ARHGEF10L: variants seen among roughly 807,000 people sequenced by gnomAD.
ARHGEF10L encodes Rho guanine nucleotide exchange factor 10 like, also known as rho guanine nucleotide exchange factor 10-like protein.
Under a neutral mutation model 141.2 loss-of-function variants are expected in ARHGEF10L, and 69 were observed. The ratio of observed to expected loss-of-function variants is 0.49; its 90% CI spans 0.40 to 0.60. ARHGEF10L has a LOEUF of 0.60. Ranked by LOEUF, ARHGEF10L falls within the 20% of genes least tolerant of loss-of-function variation. The pLI is 0.00. For synonymous variants in ARHGEF10L, 711 were observed against 718.5 expected (o/e 0.99, Z 0.17); for missense variants, 1,482 against 1,734.3 (o/e 0.85, Z 2.58).
chr1:17,624,322 T>C, intron 12 of ARHGEF10L, 65 bp from the exon 13 acceptor site: 1 of 1,347,578 alleles, frequency 7.4e-7, no homozygotes, highest in Non-Finnish European at 1.1e-6. Flanking sequence ...GGCCCACACC[T>C]GCCTCGTTTC....
intron 22 of ARHGEF10L, among the ~76,000 whole-genome samples, chr1:17,651,021 G>A (rs569822579): frequency 1.4e-4 from 22 of 152,316 alleles, no homozygotes; most frequent in Admixed American, 2.6e-4. Context: ...TTAGGGTGAG[G>A]CAAGTGAGCC....
Position 17,618,564 on chromosome 1 carries a change from G to A in ARHGEF10L, c.836-775G>A. On this transcript the variant is annotated intron_variant, in intron 9 of 28. Transcript: ENST00000361221. ...GTGTCTCTACCCCCTCCCACCCTTG[G>A]GGTTGCTGCCGCTTCTTCTTTCCTC... The A allele has an allele frequency of 3.8e-6, 5 of 1,321,868 alleles. 1 individual carries two copies. The highest frequency in any genetic ancestry group is 3.7e-5 in the South Asian group (2 of 54,488). 81.9% of individuals were successfully genotyped at this position (1,321,868 alleles called of 1,614,324 possible).
In ARHGEF10L at chr1:17,607,566, G is replaced by A. The variant is rs1570856326; in HGVS notation, c.434-236G>A. Among the ~76,000 whole-genome samples, 2 of 152,208 alleles carry A rather than the reference G, an allele frequency of 1.3e-5. No homozygotes were observed. The highest frequency in any genetic ancestry group is 2.4e-5 in the African/African-American group (1 of 41,446). On this transcript the variant is annotated intron_variant, in intron 6 of 28. Coordinates refer to ENST00000361221, the MANE Select transcript of ARHGEF10L (RefSeq NM_018125.4). This position sits in a 1 kb window ranked among gnomAD's most constrained non-coding sequence, Gnocchi z 4.5. Reference sequence around the variant, plus strand: ...AAAGGAAGTGAGCGGGCTTGTGCACGTCTGACCCATTTCTTGGGTTTTCCC... The same window carrying A: ...AAAGGAAGTGAGCGGGCTTGTGCACATCTGACCCATTTCTTGGGTTTTCCC...
At chr1:17,610,776 G>C (rs1469104509) in intron 7 of ARHGEF10L, among the ~76,000 whole-genome samples, 1 of 152,208 alleles carries the variant, frequency 6.6e-6, no homozygotes, top group Non-Finnish European at 1.5e-5. Context: ...CCAGCTGCAA[G>C]AGAACTAATG....
At chr1:17,552,297 T>C (rs1015253085) in intron 1 of ARHGEF10L, among the ~76,000 whole-genome samples, 1 of 152,180 alleles carries the variant, frequency 6.6e-6, no homozygotes, top group Non-Finnish European at 1.5e-5. Context: ...TTCCCTCGCC[T>C]GTAGAGATAA....
chr1:17,664,968 T>C (rs1456006873), intron 26 of ARHGEF10L, among the ~76,000 whole-genome samples: 3 of 152,174 alleles, frequency 2.0e-5, no homozygotes, highest in Admixed American at 1.3e-4. Context: ...AGCCATCCGC[T>C]GGGCTCTTCA....
intron 9 of ARHGEF10L, chr1:17,618,575 G>T: frequency 7.9e-7 from 1 of 1,267,452 alleles, no homozygotes; most frequent in Non-Finnish European, 1.0e-6. Flanking sequence ...GGTTGCTGCC[G>T]CTTCTTCTTT....
At chr1:17,632,092 G>A (rs573160926) in intron 15 of ARHGEF10L, among the ~76,000 whole-genome samples, 2 of 152,300 alleles carry the variant, frequency 1.3e-5, no homozygotes, top group East Asian at 3.9e-4. Flanking sequence ...ACGGGTGCTG[G>A]TGAATGCTCA....
intron 27 of ARHGEF10L, chr1:17,694,644 C>G (rs1244858801): frequency 9.2e-6 from 3 of 325,168 alleles, no homozygotes; most frequent in Admixed American, 4.5e-5. Flanking sequence ...AAGAAGCACC[C>G]ACACGGGCAG....
At chr1:17,629,944 G>A (rs945405955) in intron 15 of ARHGEF10L, among the ~76,000 whole-genome samples, 4 of 152,230 alleles carry the variant, frequency 2.6e-5, no homozygotes, top group Non-Finnish European at 4.4e-5. Flanking sequence ...GAGCCGTTCT[G>A]CCCTCTCCTG....
intron 22 of ARHGEF10L, among the ~76,000 whole-genome samples, chr1:17,652,153 C>G (rs1257916051): frequency 1.3e-5 from 2 of 152,180 alleles, no homozygotes; most frequent in African/African-American, 4.8e-5. Flanking sequence ...GAGGGAGTTG[C>G]TGGCCACAGT....
At chr1:17,684,973 A>C (rs1417281842) in intron 26 of ARHGEF10L, among the ~76,000 whole-genome samples, 2 of 151,802 alleles carry the variant, frequency 1.3e-5, no homozygotes, top group East Asian at 3.9e-4. Context: ...TGGTCCCCAC[A>C]CTCTGATCAG....
At chr1:17,602,240 C>T in intron 5 of ARHGEF10L, 22 bp downstream of exon 5, 1 of 1,552,746 alleles carries the variant, frequency 6.4e-7, no homozygotes, top group Non-Finnish European at 8.7e-7. Flanking sequence ...CTCCGGCCCA[C>T]CGCCCACCCC....
intron 15 of ARHGEF10L, among the ~76,000 whole-genome samples, chr1:17,628,327 C>G (rs1360869814): frequency 6.6e-6 from 1 of 152,202 alleles, no homozygotes; most frequent in African/African-American, 2.4e-5. Flanking sequence ...GAGACTCTGT[C>G]TCTAAAGGAA....
Position 17,552,571 on chromosome 1 carries a change from G to GT in ARHGEF10L, c.-44+12653dup, listed in dbSNP as rs34766409. 1.6e-3 allele frequency among the ~76,000 whole-genome samples: 70 copies of GT among 44,930 alleles called. 8 individuals carry two copies. Among genetic ancestry groups the GT allele is most frequent in the East Asian group, 8.1e-3 (6 of 740 alleles). 29.5% of individuals were successfully genotyped at this position (44,930 alleles called of 152,430 possible). A position where few individuals can be genotyped will look rare whatever the true frequency, so the allele number is the denominator to read the frequency against. On this transcript the variant is annotated intron_variant, in intron 1 of 28. Transcript: ENST00000361221. The stretch of plus-strand genomic sequence containing the variant: ...ATGCTACCACAGCTGGCTAATTTTC[G>GT]TTTTTTTTTTTTTTTTTTTTTTTTT...
chr1:17,613,047 T>C lies in ARHGEF10L; in HGVS notation c.610-11T>C. On this transcript the variant is annotated splice_polypyrimidine_tract_variant and intron_variant, in intron 7 of 28. Coordinates refer to ENST00000361221, the MANE Select transcript of ARHGEF10L (RefSeq NM_018125.4). ...CCTGCTTTCCTTCTGCCTGGCCGCT[T>C]GGGGCTCCAGCTTTCTCCAGACCTG... The C allele has an allele frequency of 1.2e-6, 2 of 1,605,422 alleles. No individual in the cohort carries two copies. Among genetic ancestry groups the C allele is most frequent in the Non-Finnish European group, 1.7e-6 (2 of 1,172,580 alleles).
At chr1:17,538,649 C>G (rs922228374), upstream of ARHGEF10L, among the ~76,000 whole-genome samples, 1 of 149,652 alleles carries the variant, frequency 6.7e-6, no homozygotes, top group African/African-American at 2.5e-5. Flanking sequence ...TTCTTTGTCT[C>G]ACTGGTAGCC....
intron 15 of ARHGEF10L, among the ~76,000 whole-genome samples, chr1:17,631,280 T>C (rs574568944): frequency 1.3e-5 from 2 of 152,132 alleles, no homozygotes; most frequent in Admixed American, 1.3e-4. Flanking sequence ...CAGAAAAAAA[T>C]CCCCTTTAGA....
At chr1:17,591,396 T>C (rs4316393) in intron 4 of ARHGEF10L, among the ~76,000 whole-genome samples, 87,619 of 148,562 alleles carry the variant, frequency 0.59, 26,213 homozygotes, top group East Asian at 0.85. Flanking sequence ...GCATGTGCCA[T>C]CATGCCTGGC....
Sources: allele counts gnomAD v4.1 joint callset (sites outside exome capture counted in the v4.1 genomes callset), GRCh38; gene constraint gnomAD v4.1.1; non-coding constraint Gnocchi (gnomAD v3.1); transcripts MANE v1.5; gene names NCBI Gene and HGNC (gene_info 2026-07-23, HGNC 2026-07-21).